MIA2: variants seen among roughly 807,000 people sequenced by gnomAD.
The protein encoded by MIA2 is melanoma inhibitory activity protein 2.
A neutral mutation model predicts 167.8 loss-of-function variants in MIA2; 127 were observed. The ratio of observed to expected loss-of-function variants is 0.76; its 90% CI spans 0.66 to 0.88. MIA2 has a LOEUF of 0.88. Among genes scored for constraint, MIA2 ranks in the 40% least tolerant of loss-of-function variants. The pLI is 0.00. For synonymous variants in MIA2, 552 were observed against 541.9 expected, an observed-to-expected ratio of 1.02 and a Z score of -0.26; for missense variants, 1,690 against 1,624.7, an observed-to-expected ratio of 1.04 and a Z score of -0.69.
At chr14:39,304,858 TTA>T (rs1331675525) in intron 17 of MIA2, among the ~76,000 whole-genome samples, 2 of 152,182 alleles carry the variant, frequency 1.3e-5, no homozygotes, top group Non-Finnish European at 2.9e-5. Context: ...TTGAAAACAT[TTA>T]TGTTTATTTT....
chr14:39,288,475 A>ATTTTTTTTTTTTTTTT (rs1247369150), intron 9 of MIA2, among the ~76,000 whole-genome samples: 1 of 50,516 alleles, frequency 2.0e-5, no homozygotes, highest in African/African-American at 1.1e-4. Flanking sequence ...ATATATATAT[A>ATTTTTTTTTTTTTTTT]TTTTTTTTTT....
At chr14:39,259,855 C>G (rs1001685415) in intron 6 of MIA2, among the ~76,000 whole-genome samples, 4 of 152,056 alleles carry the variant, frequency 2.6e-5, no homozygotes, top group Admixed American at 2.0e-4. Context: ...TATCCCTCTC[C>G]TATCCCCCCG....
chr14:39,268,929 C>T, intron 6 of MIA2: 1 of 846,364 alleles, frequency 1.2e-6, no homozygotes, highest in Non-Finnish European at 1.4e-6. Context: ...AGCATATTTC[C>T]CTTTCTTCAC....
intron 2 of MIA2, 45 bp from the exon 3 acceptor site, chr14:39,240,516 C>T (rs898093830): frequency 2.1e-6 from 3 of 1,457,344 alleles, no homozygotes; most frequent in African/African-American, 2.8e-5. Flanking sequence ...ATTATTATTG[C>T]TTTGATCATT....
chr14:39,309,338 A>ATATC, intron 18 of MIA2, among the ~76,000 whole-genome samples: 1 of 152,306 alleles, frequency 6.6e-6, no homozygotes, highest in Non-Finnish European at 1.5e-5. Flanking sequence ...CACAGCTTTT[A>ATATC]TATCTTGGCC....
In MIA2 at chr14:39,348,895, T is replaced by A; in HGVS notation, c.3990T>A (p.Pro1330=). ...GAAGAGGACCTCCTTTCCCCCCACC[T>A]CCTCCAGGAGCCATGTTTGGAGCTT... is the stretch of plus-strand genomic sequence containing the variant. The part of the protein sequence containing the change: ...FLRRGPPFPP[P]PPGAMFGASR... Residue 1330 remains proline, a synonymous_variant, in exon 28 of 29, where the codon CCT becomes CCA. Coordinates refer to ENST00000640607, the MANE Select transcript of MIA2 (RefSeq NM_001329214.4). The A allele has an allele frequency of 1.2e-6, 2 of 1,613,994 alleles. No individual in the cohort carries two copies. Among genetic ancestry groups the A allele is most frequent in the East Asian group, 2.2e-5 (1 of 44,880 alleles).
chr14:39,245,612 A>C (rs1377434026), intron 3 of MIA2, among the ~76,000 whole-genome samples: 1 of 152,222 alleles, frequency 6.6e-6, no homozygotes, highest in South Asian at 2.1e-4. Context: ...TACCTTACAA[A>C]GAAAATAAAT....
chr14:39,366,202 A>G (rs1017864175), intron 23 of MIA2, among the ~76,000 whole-genome samples: 4 of 152,150 alleles, frequency 2.6e-5, no homozygotes, highest in African/African-American at 9.6e-5. Flanking sequence ...GGCCGTCCTC[A>G]GGGCCCAGTA....
chr14:39,262,891 C>G (rs1475945711), intron 6 of MIA2, among the ~76,000 whole-genome samples: 3 of 152,092 alleles, frequency 2.0e-5, no homozygotes, highest in Admixed American at 2.0e-4. Flanking sequence ...GCTGAAGTTG[C>G]TTATCAGCTT....
intron 7 of MIA2, among the ~76,000 whole-genome samples, chr14:39,277,682 ATATAT>A (rs2058230619): frequency 9.4e-5 from 1 of 10,612 alleles, no homozygotes. Context: ...TTATATATAT[ATATAT>A]GTGTGTATAT....
intron 19 of MIA2, among the ~76,000 whole-genome samples, chr14:39,313,793 ATAT>A (rs1178515646): frequency 3.3e-5 from 5 of 152,170 alleles, no homozygotes; most frequent in African/African-American, 1.2e-4. Context: ...AATGTATGTA[ATAT>A]TAGTGAATCA....
intron 21 of MIA2, 43 bp downstream of exon 21, chr14:39,315,761 G>T (rs10150863): frequency 0.91 from 1,195,221 of 1,315,340 alleles, 544,665 homozygotes; most frequent in East Asian, 0.96. Flanking sequence ...CAAATTGTAT[G>T]TTTTTTTCAG....
At chr14:39,365,355 C>G (rs563760705) in intron 23 of MIA2, among the ~76,000 whole-genome samples, 2 of 152,182 alleles carry the variant, frequency 1.3e-5, no homozygotes, top group East Asian at 3.8e-4. Context: ...CCACTGCACC[C>G]GGCCATTAAA....
At chr14:39,349,808 G>GTAC (rs1467992651) in intron 28 of MIA2, among the ~76,000 whole-genome samples, 3 of 152,094 alleles carry the variant, frequency 2.0e-5, no homozygotes. Flanking sequence ...AAAGAAAAAA[G>GTAC]TGATTTACAG....
intron 23 of MIA2, among the ~76,000 whole-genome samples, chr14:39,382,185 T>G (rs1031117490): frequency 6.6e-6 from 1 of 151,868 alleles, no homozygotes; most frequent in Non-Finnish European, 1.5e-5. Flanking sequence ...AGAAAAGGAG[T>G]TGTACAGCAA....
chr14:39,304,407 A>C, intron 17 of MIA2, 26 bp downstream of exon 17: 1 of 1,269,484 alleles, frequency 7.9e-7, no homozygotes, highest in Non-Finnish European at 1.1e-6. Flanking sequence ...ACATACTTTT[A>C]ATGTTTTTCT....
intron 3 of MIA2, among the ~76,000 whole-genome samples, chr14:39,245,262 G>A (rs921741799): frequency 6.6e-6 from 1 of 151,982 alleles, no homozygotes. Flanking sequence ...CTTTTAACAA[G>A]GTTTTCATGC....
downstream of MIA2, among the ~76,000 whole-genome samples, chr14:39,355,075 G>T (rs541381139): frequency 5.2e-3 from 105 of 20,056 alleles, 1 homozygote; most frequent in African/African-American, 0.018. Flanking sequence ...CTTTAAAGTG[G>T]TTTTTTCCAT....
Position 39,371,189 on chromosome 14 carries a change from G to C in MIA2, c.2249-15696G>C, listed in dbSNP as rs543927996. 2.5e-4 allele frequency among the ~76,000 whole-genome samples: 38 copies of C among 151,720 alleles called. 1 individual carries two copies. Among genetic ancestry groups the C allele is most frequent in the South Asian group, 6.3e-4 (3 of 4,762 alleles). Reference sequence around the variant, plus strand: ...CTTACGCTGTTTTCATTTTTTAAAAGGATTTTTAAATATATATGATGATGT... The same window carrying C: ...CTTACGCTGTTTTCATTTTTTAAAACGATTTTTAAATATATATGATGATGT... On this transcript the variant is annotated intron_variant, in intron 23 of 23. Transcript: ENST00000341502.
Sources: allele counts gnomAD v4.1 joint callset (sites outside exome capture counted in the v4.1 genomes callset), GRCh38; gene constraint gnomAD v4.1.1; transcripts MANE v1.5; gene names NCBI Gene and HGNC (gene_info 2026-07-23, HGNC 2026-07-21).